TPP2: variants seen among roughly 807,000 people sequenced by gnomAD.
TPP2 encodes tripeptidyl-peptidase 2.
A neutral mutation model predicts 155.9 loss-of-function variants in TPP2; 34 were observed. The observed-to-expected ratio is 0.22, with a 90% CI of 0.17 to 0.29. The LOEUF is 0.29. Among genes scored for constraint, TPP2 ranks in the 10% least tolerant of loss-of-function variants. TPP2 has a pLI of 1.00. For missense variants in TPP2, 1,028 were observed against 1,522.3 expected (o/e 0.68, Z 5.40); for synonymous variants, 510 against 529.4 (o/e 0.96, Z 0.50).
At chr13:102,650,542 A>G (rs1883414319) in intron 23 of TPP2, among the ~76,000 whole-genome samples, 1 of 152,160 alleles carries the variant, frequency 6.6e-6, no homozygotes, top group African/African-American at 2.4e-5. Flanking sequence ...TGTAATTAAT[A>G]CATGCACTGA....
At chr13:102,670,431 T>C (rs1884896727) in intron 27 of TPP2, among the ~76,000 whole-genome samples, 1 of 152,212 alleles carries the variant, frequency 6.6e-6, no homozygotes, top group Non-Finnish European at 1.5e-5. Flanking sequence ...ACTAGCTGGG[T>C]ACAGGGAGAT....
Position 102,597,036 on chromosome 13 carries a change from T to C in TPP2, c.-3T>C. 1 of 1,611,322 alleles carries C rather than the reference T, an allele frequency of 6.2e-7. No individual in the cohort carries two copies. The highest frequency in any genetic ancestry group is 1.7e-5 in the Admixed American group (1 of 59,982). On this transcript the variant is annotated 5_prime_UTR_variant, in exon 1 of 30. Transcript: ENST00000376052. ...CCGCTTCCTCGTCCTCCATCCTGCG[T>C]CCATGGCCACCGCTGCGACTGAGGA... is the stretch of plus-strand genomic sequence containing the variant.
At chr13:102,609,318 T>G (rs199678753) in intron 2 of TPP2, among the ~76,000 whole-genome samples, 1 of 146,690 alleles carries the variant, frequency 6.8e-6, no homozygotes, top group Non-Finnish European at 1.5e-5. Context: ...ATGGGGAAGG[T>G]GAAGGGGAAA....
chr13:102,638,488 T>C (rs1882537645), intron 15 of TPP2, among the ~76,000 whole-genome samples, 173 bp downstream of exon 15: 1 of 152,208 alleles, frequency 6.6e-6, no homozygotes, highest in African/African-American at 2.4e-5. Flanking sequence ...ATACTGACTC[T>C]TGTGTGCTCT....
At chr13:102,601,627 C>T (rs1242037574) in intron 1 of TPP2, among the ~76,000 whole-genome samples, 1 of 152,184 alleles carries the variant, frequency 6.6e-6, no homozygotes, top group Non-Finnish European at 1.5e-5. Flanking sequence ...ACTGCCCATG[C>T]TTTCAGTCCC....
intron 15 of TPP2, among the ~76,000 whole-genome samples, chr13:102,638,700 T>C (rs887045787): frequency 5.3e-5 from 8 of 152,226 alleles, no homozygotes; most frequent in South Asian, 2.1e-4. Context: ...GGATTTACTC[T>C]CTTCTCTTAA....
chr13:102,655,181 C>T (rs1883774304), intron 24 of TPP2, among the ~76,000 whole-genome samples: 1 of 152,136 alleles, frequency 6.6e-6, no homozygotes, highest in Non-Finnish European at 1.5e-5. Context: ...AGAACTACAA[C>T]CATAGTTCCT....
chr13:102,678,567 C>A lies in TPP2; in HGVS notation c.*251C>A. On this transcript the variant is annotated 3_prime_UTR_variant, in exon 30 of 30. Transcript: ENST00000376052. ...CGGGGATGTGCCCTGCCTGCCAGCA[C>A]CTAGGACTTCGAGTTGGGTTGCAGC... 1 of 352,604 alleles carries A rather than the reference C, an allele frequency of 2.8e-6. No homozygotes were observed. The highest frequency in any genetic ancestry group is 5.2e-6 in the Non-Finnish European group (1 of 193,346). The allele number at this position is 352,604 out of a possible 1,614,324, so 21.8% of individuals were successfully genotyped here. A position where few individuals can be genotyped will look rare whatever the true frequency, so the allele number is the denominator to read the frequency against.
intron 1 of TPP2, 44 bp downstream of exon 1, chr13:102,597,247 C>A: frequency 2.6e-6 from 3 of 1,150,642 alleles, no homozygotes; most frequent in Non-Finnish European, 3.4e-6. Flanking sequence ...CGCGGGCGGC[C>A]GGGGACGCGG....
At chr13:102,651,600 A>ATTTTCTT in intron 24 of TPP2, among the ~76,000 whole-genome samples, 1 of 150,016 alleles carries the variant, frequency 6.7e-6, no homozygotes, top group Non-Finnish European at 1.5e-5. Context: ...TTTCCCCACC[A>ATTTTCTT]TAAATTCCTG....
intron 20 of TPP2, 27 bp downstream of exon 20, chr13:102,646,417 C>A: frequency 1.9e-6 from 3 of 1,559,940 alleles, no homozygotes; most frequent in Non-Finnish European, 2.6e-6. Flanking sequence ...TAAAGTGTAC[C>A]CTTAGGATGA....
intron 16 of TPP2, among the ~76,000 whole-genome samples, chr13:102,640,681 T>G (rs547075326): frequency 1.7e-5 from 2 of 120,020 alleles, no homozygotes; most frequent in East Asian, 5.0e-4. Context: ...AGACAGAGTC[T>G]CACTCTGTCG....
intron 26 of TPP2, among the ~76,000 whole-genome samples, chr13:102,664,592 G>A (rs618562): frequency 0.5 from 75,398 of 151,948 alleles, 19,095 homozygotes; most frequent in African/African-American, 0.6. Context: ...TTTTTATTAT[G>A]CATCTGAGCT....
At chr13:102,664,104 G>T (rs964205151) in intron 26 of TPP2, among the ~76,000 whole-genome samples, 8 of 152,196 alleles carry the variant, frequency 5.3e-5, no homozygotes, top group Non-Finnish European at 1.5e-5. Context: ...CTTTGTTAAT[G>T]ATTCTCATTT....
chr13:102,621,070 T>A lies in TPP2; in HGVS notation c.621-1807T>A, dbSNP rs142604817. Among the ~76,000 whole-genome samples the A allele has an allele frequency of 2.3e-3, 354 of 152,302 alleles. 2 individuals carry two copies. Among genetic ancestry groups the A allele is most frequent in the Non-Finnish European group, 2.0e-3 (135 of 67,980 alleles). On this transcript the variant is annotated intron_variant, in intron 5 of 29. Coordinates refer to ENST00000376052, the MANE Select transcript of TPP2 (RefSeq NM_001330588.2). ...TAGCTGCTACTTGAATTCAGTCAAC[T>A]AGACCTTCAGAAAGTTATAACCTTG...
intron 6 of TPP2, among the ~76,000 whole-genome samples, chr13:102,625,215 AGTGCAGT>A (rs1399642792): frequency 8.1e-6 from 1 of 123,934 alleles, no homozygotes; most frequent in African/African-American, 3.2e-5. Context: ...CCCAGGCTGG[AGTGCAGT>A]GGCGCGATCT....
intron 13 of TPP2, 47 bp downstream of exon 13, chr13:102,636,439 TGAATGAGTGGTATCATAATAAA>T: frequency 6.4e-7 from 1 of 1,572,180 alleles, no homozygotes; most frequent in Middle Eastern, 1.7e-4. Context: ...ATTTGCTGTT[TGAATGAGTGGTATCATAATAAA>T]GAATTGCTGT....
chr13:102,645,816 C>T (rs748940060), intron 19 of TPP2, among the ~76,000 whole-genome samples: 19 of 152,294 alleles, frequency 1.2e-4, no homozygotes, highest in Non-Finnish European at 2.6e-4. Flanking sequence ...CTTCAGAGGA[C>T]TACTAAAAAT....
At chr13:102,623,674 C>T (rs1423418209) in intron 6 of TPP2, among the ~76,000 whole-genome samples, 1 of 152,194 alleles carries the variant, frequency 6.6e-6, no homozygotes, top group Non-Finnish European at 1.5e-5. Flanking sequence ...AGAATCCTCA[C>T]TACGGCACTC....
Sources: allele counts gnomAD v4.1 joint callset (sites outside exome capture counted in the v4.1 genomes callset), GRCh38; gene constraint gnomAD v4.1.1; transcripts MANE v1.5; gene names NCBI Gene and HGNC (gene_info 2026-07-23, HGNC 2026-07-21).